RPRD2: variants seen among roughly 807,000 people sequenced by gnomAD.
The protein encoded by RPRD2 is regulation of nuclear pre-mRNA domain-containing protein 2.
RPRD2 carries 12 observed loss-of-function variants against 104.4 expected under a neutral mutation model. The ratio of observed to expected loss-of-function variants is 0.11; its 90% CI spans 0.07 to 0.19. The LOEUF (loss-of-function observed/expected upper bound fraction) is 0.19, where lower values mean the gene tolerates loss of function less well. RPRD2 is among the 10% of genes least tolerant of loss of function. RPRD2 has a pLI of 1.00. For missense variants in RPRD2, 1,543 were observed against 1,790.1 expected (o/e 0.86, Z 2.49); for synonymous variants, 714 against 684.9 (o/e 1.04, Z -0.66).
chr1:150,435,513 T>TA (rs1279742230), intron 2 of RPRD2, among the ~76,000 whole-genome samples: 1 of 152,222 alleles, frequency 6.6e-6, no homozygotes, highest in Non-Finnish European at 1.5e-5. Flanking sequence ...ACATGAATGA[T>TA]AAGAAAGCAA....
At chr1:150,455,577 A>G (rs781870986) in intron 7 of RPRD2, among the ~76,000 whole-genome samples, 1 of 151,710 alleles carries the variant, frequency 6.6e-6, no homozygotes, top group Non-Finnish European at 1.5e-5. Flanking sequence ...CATGACTACT[A>G]AATGTTCTGT....
intron 9 of RPRD2, among the ~76,000 whole-genome samples, chr1:150,460,667 T>G (rs1428226494): frequency 6.6e-6 from 1 of 151,708 alleles, no homozygotes. Flanking sequence ...CCTCCCAAAG[T>G]GCTGGGATTA....
intron 1 of RPRD2, among the ~76,000 whole-genome samples, chr1:150,384,298 C>T (rs898030231): frequency 3.3e-5 from 5 of 151,700 alleles, no homozygotes; most frequent in Non-Finnish European, 4.4e-5. Flanking sequence ...ATGGAGGAAA[C>T]GGTTTTTCAA....
chr1:150,379,378 T>G (rs1660962445), intron 1 of RPRD2, among the ~76,000 whole-genome samples: 1 of 152,142 alleles, frequency 6.6e-6, no homozygotes, highest in Non-Finnish European at 1.5e-5. Context: ...ATTCTTAGGT[T>G]TAATTTCTGT....
At chr1:150,448,774 A>G (rs1666967800) in intron 7 of RPRD2, among the ~76,000 whole-genome samples, 1 of 151,972 alleles carries the variant, frequency 6.6e-6, no homozygotes, top group Non-Finnish European at 1.5e-5. Flanking sequence ...CTGAATTTTC[A>G]TTTTCCGTCC....
intron 1 of RPRD2, among the ~76,000 whole-genome samples, chr1:150,388,497 G>GCACACACA (rs143626934): frequency 2.0e-3 from 180 of 90,214 alleles, no homozygotes; most frequent in African/African-American, 4.6e-3. Context: ...ATATACCCGC[G>GCACACACA]CACACACACA....
intron 2 of RPRD2, among the ~76,000 whole-genome samples, chr1:150,436,640 C>G (rs67654647): frequency 3.4e-5 from 5 of 147,604 alleles, no homozygotes; most frequent in Admixed American, 2.7e-4. Flanking sequence ...TGGTGGCTCA[C>G]ACCTGTAATC....
At chr1:150,388,993 A>G (rs1257773954) in intron 1 of RPRD2, among the ~76,000 whole-genome samples, 2 of 151,870 alleles carry the variant, frequency 1.3e-5, no homozygotes, top group Non-Finnish European at 2.9e-5. Context: ...TTTAATTATT[A>G]TATCTCTTTA....
chr1:150,372,474 C>T (rs1165083674), intron 1 of RPRD2, among the ~76,000 whole-genome samples: 1 of 137,946 alleles, frequency 7.2e-6, no homozygotes, highest in African/African-American at 2.7e-5. Flanking sequence ...AGTGAGACTC[C>T]GTCTGAAAAA....
At chr1:150,441,494 A>C in intron 3 of RPRD2, 1 of 201,186 alleles carries the variant, frequency 5.0e-6, no homozygotes, top group South Asian at 9.1e-5. Context: ...GGAATTATGT[A>C]TTATATGCAT....
chr1:150,466,708 G>A (rs1350330067), intron 10 of RPRD2, among the ~76,000 whole-genome samples: 3 of 151,788 alleles, frequency 2.0e-5, no homozygotes, highest in Non-Finnish European at 4.4e-5. Context: ...GACCCTTTCT[G>A]TTCAGCTTTA....
chr1:150,399,570 A>G lies in RPRD2; in HGVS notation c.206-18026A>G, dbSNP rs983073448. The stretch of plus-strand genomic sequence containing the variant: ...TCAGGAGTTCGAGACCAGCCTGGCC[A>G]ACATGGTGAGACCTCATCTCTACTA... On this transcript the variant is annotated intron_variant, in intron 1 of 10. Transcript: ENST00000369068. Among the ~76,000 whole-genome samples the G allele has an allele frequency of 2.6e-5, 4 of 152,196 alleles. No individual in the cohort carries two copies. In the East Asian group the frequency reaches 7.8e-4, roughly 30 times the overall value.
intron 9 of RPRD2, among the ~76,000 whole-genome samples, chr1:150,464,243 A>C (rs1461834432): frequency 1.3e-5 from 2 of 152,028 alleles, no homozygotes; most frequent in African/African-American, 4.8e-5. Flanking sequence ...TCCTGACCTC[A>C]GGTGATCCGC....
At chr1:150,380,724 G>A (rs1398852724) in intron 1 of RPRD2, among the ~76,000 whole-genome samples, 7 of 149,854 alleles carry the variant, frequency 4.7e-5, no homozygotes, top group African/African-American at 1.5e-4. Flanking sequence ...GCGTGCTGTC[G>A]GCTCACTGCA....
intron 4 of RPRD2, among the ~76,000 whole-genome samples, chr1:150,442,216 T>A (rs1459657035): frequency 6.6e-6 from 1 of 151,396 alleles, no homozygotes; most frequent in Admixed American, 6.6e-5. Flanking sequence ...CAAGAGTAGT[T>A]GGGGGATTGC....
chr1:150,454,207 G>A (rs1185327707), intron 7 of RPRD2, among the ~76,000 whole-genome samples: 2 of 152,066 alleles, frequency 1.3e-5, no homozygotes, highest in Non-Finnish European at 2.9e-5. Flanking sequence ...TCTAATTTTT[G>A]CCTGTTAAGA....
intron 2 of RPRD2, among the ~76,000 whole-genome samples, chr1:150,438,386 GA>G (rs1192915122): frequency 6.6e-6 from 1 of 152,108 alleles, no homozygotes; most frequent in Non-Finnish European, 1.5e-5. Context: ...AGCACTTTGG[GA>G]GGCCAAGGCG....
intron 10 of RPRD2, among the ~76,000 whole-genome samples, chr1:150,467,101 G>C (rs1553900157): frequency 6.6e-6 from 1 of 152,190 alleles, no homozygotes; most frequent in African/African-American, 2.4e-5. Context: ...TGCTGAGGTT[G>C]AGAAACCCTG....
At chr1:150,412,130 A>T (rs182594761) in intron 1 of RPRD2, among the ~76,000 whole-genome samples, 1 of 150,476 alleles carries the variant, frequency 6.6e-6, no homozygotes. Flanking sequence ...CTCCAAAAAA[A>T]AGAATAAGGC....
Sources: gnomAD v4.1 joint callset for allele counts (sites outside exome capture counted in the v4.1 genomes callset) on GRCh38, gnomAD v4.1.1 for gene constraint, MANE v1.5 for transcripts, NCBI Gene and HGNC (gene_info 2026-07-23, HGNC 2026-07-21) for gene names.